The following ENPP4 variants were observed in gnomAD, a reference collection of about 807,000 sequenced individuals.
ENPP4 encodes the protein bis(5'-adenosyl)-triphosphatase ENPP4.
In ENPP4, 18 loss-of-function variants were observed where a neutral mutation model predicts 33.4. The ratio of observed to expected loss-of-function variants is 0.54; its 90% CI spans 0.37 to 0.80. The LOEUF is 0.80. Among genes scored for constraint, ENPP4 ranks in the 30% least tolerant of loss-of-function variants. The probability of loss-of-function intolerance (pLI) is 0.00; values close to 1 mark genes in which losing one functional copy is unlikely to be tolerated. For synonymous variants in ENPP4, 172 were observed against 189.9 expected (o/e 0.91, Z 0.78); for missense variants, 480 against 541.7 (o/e 0.89, Z 1.13).
chr6:46,136,618 C>T (rs966932015), intron 1 of ENPP4, among the ~76,000 whole-genome samples: 22 of 151,872 alleles, frequency 1.4e-4, no homozygotes, highest in Non-Finnish European at 1.2e-4. Context: ...GGAGGGGCTT[C>T]AATGTGAGAC....
In ENPP4 at chr6:46,143,760, A is replaced by G. The variant is rs559161498; in HGVS notation, c.*120A>G. On this transcript the variant is annotated 3_prime_UTR_variant, in exon 4 of 4. Coordinates refer to ENST00000321037, the MANE Select transcript of ENPP4 (RefSeq NM_014936.5). Reference sequence around the variant, plus strand: ...GAAAGACAAAGAACTTAGACTAAGCATGTTAAAATTATTACTTTGTTTTCC... The same window carrying G: ...GAAAGACAAAGAACTTAGACTAAGCGTGTTAAAATTATTACTTTGTTTTCC... 1 of 1,025,466 alleles carries G rather than the reference A, an allele frequency of 9.8e-7. No homozygotes were observed. Among genetic ancestry groups the G allele is most frequent in the South Asian group, 1.7e-5 (1 of 58,560 alleles). 63.5% of individuals were successfully genotyped at this position (1,025,466 alleles called of 1,614,324 possible). A position where few individuals can be genotyped will look rare whatever the true frequency, so the allele number is the denominator to read the frequency against.
At chr6:46,142,491 ATG>A (rs1764082296) in intron 3 of ENPP4, among the ~76,000 whole-genome samples, 2 of 69,840 alleles carry the variant, frequency 2.9e-5, no homozygotes, top group East Asian at 6.1e-4. Context: ...TTTCTAATAT[ATG>A]TGTGTGTGTT....
At position 46,139,911 on chromosome 6, in the gene ENPP4, C is replaced by A; in HGVS notation, c.328C>A (p.Pro110Thr). ...KHFSDSNDKD[P>T]FWWNEAVPIW... is the part of the protein sequence containing the mutation. ...CTTTTCTGACTCTAATGACAAGGAT[C>A]CTTTTTGGTGGAATGAGGCAGTACC... The change falls in exon 2 of 4, where the codon CCT (proline) becomes ACT (threonine). Residue 110 changes from proline to threonine, a missense_variant. Around this residue, in one of 3 missense-constraint regions of ENPP4, gnomAD observed 227 missense variants for 273.7 expected, o/e 0.83. Coordinates refer to ENST00000321037, the MANE Select transcript of ENPP4 (RefSeq NM_014936.5). 1 of 1,612,800 alleles carries A rather than the reference C, an allele frequency of 6.2e-7. No homozygotes were observed. The highest frequency in any genetic ancestry group is 8.5e-7 in the Non-Finnish European group (1 of 1,179,148).
chr6:46,132,182 G>A (rs528309162), intron 1 of ENPP4, among the ~76,000 whole-genome samples: 9 of 151,986 alleles, frequency 5.9e-5, no homozygotes, highest in African/African-American at 1.9e-4. Flanking sequence ...GTCAATTTTG[G>A]CTTTTGTTGC....
intron 1 of ENPP4, among the ~76,000 whole-genome samples, chr6:46,136,948 C>T (rs533160214): frequency 6.6e-6 from 1 of 152,042 alleles, no homozygotes; most frequent in East Asian, 1.9e-4. Flanking sequence ...TTGACAGCTG[C>T]ACTTTTAACA....
intron 2 of ENPP4, 38 bp from the exon 3 acceptor site, chr6:46,141,014 A>G (rs1438770461): frequency 1.4e-6 from 2 of 1,407,916 alleles, no homozygotes; most frequent in Middle Eastern, 2.3e-4. Flanking sequence ...CTTATCAATC[A>G]TAACTTGTTT....
At position 46,143,568 on chromosome 6, in the gene ENPP4, T is replaced by C. The variant is rs202001018; in HGVS notation, c.1290T>C (p.Asn430=). ...MLTCLIIIMQ[N]RLSVPRPFSR... ...CATGCCTCATAATAATCATGCAGAA[T>C]AGACTTTCTGTACCTCGTCCATTTT... The change falls in exon 4 of 4, where the codon AAT becomes AAC. Residue 430 remains asparagine, a synonymous_variant. Coordinates refer to ENST00000321037, the MANE Select transcript of ENPP4 (RefSeq NM_014936.5). The C allele has an allele frequency of 6.2e-7, 1 of 1,612,438 alleles. No individual in the cohort carries two copies. The highest frequency in any genetic ancestry group is 1.7e-4 in the Middle Eastern group (1 of 6,052).
Position 46,143,555 on chromosome 6 carries a change from T to A in ENPP4, c.1277T>A (p.Ile426Lys). The A allele has an allele frequency of 6.2e-7, 1 of 1,612,662 alleles. No homozygotes were observed. Among genetic ancestry groups the A allele is most frequent in the South Asian group, 1.1e-5 (1 of 91,038 alleles). Residue 426 changes from isoleucine to lysine, a missense_variant, in exon 4 of 4, where the codon ATA becomes AAA. Ile to Lys is a moderately radical substitution (Grantham distance 102, BLOSUM62 -3). This residue lies in a region of ENPP4 where 249 missense variants were observed against 251.8 expected (regional missense o/e 0.99). Coordinates refer to ENST00000321037, the MANE Select transcript of ENPP4 (RefSeq NM_014936.5). ...LVLTMLTCLI[I>K]IMQNRLSVPR... ...TTAACCATGCTAACATGCCTCATAA[T>A]AATCATGCAGAATAGACTTTCTGTA...
At chr6:46,140,907 T>C in intron 2 of ENPP4, 145 bp from the exon 3 acceptor site, 1 of 571,548 alleles carries the variant, frequency 1.7e-6, no homozygotes, top group South Asian at 2.3e-5. Flanking sequence ...TCCCCAACAC[T>C]CTCACATTAT....
chr6:46,143,636 G>T lies in ENPP4; in HGVS notation c.1358G>T (p.Gly453Val). Residue 453 changes from glycine to valine, a missense_variant, in exon 4 of 4, where the codon GGG becomes GTG. By Grantham distance (109) the Gly-to-Val change is moderately radical. Transcript: ENST00000321037. ...LQEDDDDPLI[G>V] Reference sequence around the variant, plus strand: ...GAAGATGATGATGATCCTTTAATTGGGTGACATGTGCTAGGGCTTATACAA... The same window carrying T: ...GAAGATGATGATGATCCTTTAATTGTGTGACATGTGCTAGGGCTTATACAA... 6.2e-7 allele frequency: 1 copy of T among 1,606,736 alleles called. No homozygotes were observed. Among genetic ancestry groups the T allele is most frequent in the African/African-American group, 1.3e-5 (1 of 74,812 alleles).
chr6:46,142,352 AT>A (rs1562061013), intron 3 of ENPP4, among the ~76,000 whole-genome samples: 4 of 81,896 alleles, frequency 4.9e-5, no homozygotes, highest in African/African-American at 1.5e-4. Context: ...ATTATATGTA[AT>A]ATATATAATA....
chr6:46,141,118 A>G lies in ENPP4; in HGVS notation c.893A>G (p.Asp298Gly), dbSNP rs765456286. The G allele has an allele frequency of 3.7e-6, 6 of 1,607,722 alleles. No individual in the cohort carries two copies. The highest frequency in any genetic ancestry group is 5.1e-6 in the Non-Finnish European group (6 of 1,175,254). ...SPHMNVYLKE[D>G]IPNRFYYQHN... ...CATATGAATGTTTATCTCAAAGAAG[A>G]CATTCCTAACAGATTTTATTACCAA... Residue 298 changes from aspartate to glycine, a missense_variant, in exon 3 of 4, where the codon GAC becomes GGC. Physicochemically the swap from Asp to Gly is moderately conservative, Grantham distance 94. Coordinates refer to ENST00000321037, the MANE Select transcript of ENPP4 (RefSeq NM_014936.5).
intron 1 of ENPP4, among the ~76,000 whole-genome samples, chr6:46,131,220 A>G (rs910442221): frequency 1.3e-5 from 2 of 152,104 alleles, no homozygotes; most frequent in Non-Finnish European, 2.9e-5. Context: ...CAGGTTAGTT[A>G]CATATGTATA....
At position 46,141,101 on chromosome 6, in the gene ENPP4, T is replaced by A; in HGVS notation, c.876T>A (p.Asn292Lys). The A allele has an allele frequency of 6.2e-7, 1 of 1,607,656 alleles. No homozygotes were observed. Among genetic ancestry groups the A allele is most frequent in the Non-Finnish European group, 8.5e-7 (1 of 1,175,328 alleles). Residue 292 changes from asparagine (N) to lysine (K), a missense_variant, in exon 3 of 4, where the codon AAT becomes AAA. By Grantham distance (94) the Asn-to-Lys change is moderately conservative (BLOSUM62 0). This residue lies in a region of ENPP4 where 249 missense variants were observed against 251.8 expected (regional missense o/e 0.99). Transcript: ENST00000321037. ...NKLKNCSPHMNVYLKEDIPNR... is the reference protein window; with the variant it reads ...NKLKNCSPHMKVYLKEDIPNR... Reference sequence around the variant, plus strand: ...TGAAAAACTGTAGCCCTCATATGAATGTTTATCTCAAAGAAGACATTCCTA... The same window carrying A: ...TGAAAAACTGTAGCCCTCATATGAAAGTTTATCTCAAAGAAGACATTCCTA...
intron 1 of ENPP4, among the ~76,000 whole-genome samples, chr6:46,134,635 C>A (rs957077297): frequency 6.6e-6 from 1 of 151,964 alleles, no homozygotes; most frequent in East Asian, 1.9e-4. Flanking sequence ...AAAATGTTTC[C>A]TGTTTTGTGG....
Position 46,141,054 on chromosome 6 carries a change from A to G in ENPP4, c.829A>G (p.Arg277Gly), listed in dbSNP as rs1184082329. ...TGCTGTTTCTTTTTTTTTCTCAGATAGAACAGAGGTTTATAACAAACTGAA... is the reference window on the plus strand; with the variant it reads ...TGCTGTTTCTTTTTTTTTCTCAGATGGAACAGAGGTTTATAACAAACTGAA... ...PVAAILPKIN[R>G]TEVYNKLKNC... The change falls in exon 3 of 4, where the codon AGA (arginine) becomes GGA (glycine). Residue 277 changes from arginine to glycine, a missense_variant and splice_region_variant. Physicochemically the swap from Arg to Gly is moderately radical, Grantham distance 125. Transcript: ENST00000321037. The G allele has an allele frequency of 4.5e-6, 7 of 1,560,892 alleles. No homozygotes were observed. The highest frequency in any genetic ancestry group is 1.8e-4 in the Middle Eastern group (1 of 5,572).
rs1581958549 is a variant in ENPP4 at position 46,144,698 on chromosome 6, A to T, written c.*1058A>T. 2.9e-6 allele frequency: 1 copy of T among 348,226 alleles called. No homozygotes were observed. Among genetic ancestry groups the T allele is most frequent in the East Asian group, 4.2e-5 (1 of 23,840 alleles). The allele number at this position is 348,226 out of a possible 1,614,324, so 21.6% of individuals were successfully genotyped here. ...ATACAAATCTCAATTTGACTGGGAC[A>T]GAATGAGGAATGGAGATTTTTGTAT... On this transcript the variant is annotated 3_prime_UTR_variant, in exon 4 of 4. Coordinates refer to ENST00000321037, the MANE Select transcript of ENPP4 (RefSeq NM_014936.5).
chr6:46,134,121 G>A (rs982862194), intron 1 of ENPP4, among the ~76,000 whole-genome samples: 1 of 152,060 alleles, frequency 6.6e-6, no homozygotes, highest in African/African-American at 2.4e-5. Flanking sequence ...ATAATATTCT[G>A]CCTATCATAG....
intron 3 of ENPP4, 112 bp downstream of exon 3, chr6:46,141,334 G>T: frequency 1.4e-6 from 1 of 691,752 alleles, no homozygotes; most frequent in African/African-American, 1.9e-5. Flanking sequence ...AGAATAATTA[G>T]TTCAATTTTC....
Sources: gnomAD v4.1 joint callset for allele counts (sites outside exome capture counted in the v4.1 genomes callset) on GRCh38, gnomAD v4.1.1 for gene constraint, gnomAD v4.1.1 regional missense constraint, MANE v1.5 for transcripts, NCBI Gene and HGNC (gene_info 2026-07-23, HGNC 2026-07-21) for gene names.